Variants in CORIN observed in about 807,000 individuals in gnomAD.
The protein encoded by CORIN is atrial natriuretic peptide-converting enzyme.
CORIN carries 117 observed loss-of-function variants against 125.3 expected under a neutral mutation model. The observed-to-expected ratio is 0.93, with a 90% confidence interval of 0.80 to 1.09. CORIN has a LOEUF of 1.09. CORIN is among the 50% of genes least tolerant of loss of function. The probability of loss-of-function intolerance (pLI) is 0.00; values close to 1 mark genes in which losing one functional copy is unlikely to be tolerated. For missense variants in CORIN, 1,253 were observed against 1,306.7 expected (o/e 0.96, Z 0.63); for synonymous variants, 450 against 466.4 (o/e 0.96, Z 0.45).
intron 2 of CORIN, among the ~76,000 whole-genome samples, chr4:47,805,271 G>T (rs1427911452): frequency 2.6e-5 from 4 of 151,908 alleles, no homozygotes; most frequent in Admixed American, 2.6e-4. Context: ...TCATGATGTG[G>T]TTATTGCTTA....
chr4:47,704,190 T>C (rs1330327374), intron 5 of CORIN, among the ~76,000 whole-genome samples: 1 of 152,034 alleles, frequency 6.6e-6, no homozygotes, highest in Admixed American at 6.6e-5. Context: ...GGATTGCATA[T>C]AACAAAGCCA....
chr4:47,737,611 CCTT>C (rs1180289421), intron 5 of CORIN, among the ~76,000 whole-genome samples: 2 of 152,308 alleles, frequency 1.3e-5, no homozygotes, highest in East Asian at 1.9e-4. Context: ...TATTTCAACT[CCTT>C]CTGCCCAATT....
At chr4:47,701,420 C>T (rs895601906) in intron 5 of CORIN, among the ~76,000 whole-genome samples, 3 of 152,122 alleles carry the variant, frequency 2.0e-5, no homozygotes, top group Non-Finnish European at 4.4e-5. Flanking sequence ...AGCTTAAATT[C>T]CTAAAAATAA....
chr4:47,623,812 C>A, intron 18 of CORIN, 67 bp from the exon 19 acceptor site: 1 of 1,608,800 alleles, frequency 6.2e-7, no homozygotes, highest in East Asian at 2.2e-5. Flanking sequence ...TAGCTCTTTG[C>A]TGTCACTTAC....
At position 47,717,800 on chromosome 4, in the gene CORIN, G is replaced by C. The variant is rs193109155; in HGVS notation, c.800-24717C>G. Among the ~76,000 whole-genome samples the C allele has an allele frequency of 2.4e-4, 36 of 152,280 alleles. 2 individuals are homozygous for C. In the East Asian group the frequency reaches 4.2e-3, roughly 18 times the overall value. On this transcript the variant is annotated intron_variant, in intron 5 of 21. Coordinates refer to ENST00000273857, the MANE Select transcript of CORIN (RefSeq NM_006587.4). The stretch of plus-strand genomic sequence containing the variant: ...AAAGACCGAAAAAAAGAGAGGCACT[G>C]TAGTATATTTTATGATTGCAGGTTG...
intron 16 of CORIN, among the ~76,000 whole-genome samples, chr4:47,638,986 C>T (rs1165262917): frequency 6.6e-6 from 1 of 152,182 alleles, no homozygotes; most frequent in Non-Finnish European, 1.5e-5. Flanking sequence ...ATCCTAAGTG[C>T]AGGTGTTTTA....
At chr4:47,826,822 T>A (rs1255589410) in intron 1 of CORIN, among the ~76,000 whole-genome samples, 4 of 152,214 alleles carry the variant, frequency 2.6e-5, no homozygotes, top group Non-Finnish European at 5.9e-5. Flanking sequence ...CTGTACCCTC[T>A]AATGCCATAG....
In CORIN at chr4:47,814,570, G is replaced by A. The variant is rs113826699; in HGVS notation, c.64-7523C>T. Reference sequence around the variant, plus strand: ...ATTTGTTGAGTAACAGATTAATAATGTGGATAGTTCTCAAGCCAGGCATCT... The same window carrying A: ...ATTTGTTGAGTAACAGATTAATAATATGGATAGTTCTCAAGCCAGGCATCT... On this transcript the variant is annotated intron_variant, in intron 1 of 21. Coordinates refer to ENST00000273857, the MANE Select transcript of CORIN (RefSeq NM_006587.4). Among the ~76,000 whole-genome samples, 1,225 of 152,258 alleles carry A rather than the reference G, an allele frequency of 8.0e-3. 16 individuals carry two copies. The highest frequency in any genetic ancestry group is 0.028 in the African/African-American group (1,158 of 41,550).
At chr4:47,751,892 C>T (rs896498177) in intron 4 of CORIN, among the ~76,000 whole-genome samples, 8 of 152,184 alleles carry the variant, frequency 5.3e-5, no homozygotes, top group African/African-American at 1.9e-4. Flanking sequence ...GTTGAATAAA[C>T]TGATGCCAGG....
At chr4:47,830,175 T>C (rs1732917879) in intron 1 of CORIN, among the ~76,000 whole-genome samples, 1 of 151,820 alleles carries the variant, frequency 6.6e-6, no homozygotes, top group South Asian at 2.1e-4. Context: ...CTTAAGAGAG[T>C]GTCACATTGG....
At chr4:47,608,276 G>A (rs1286582819) in intron 19 of CORIN, among the ~76,000 whole-genome samples, 6 of 151,536 alleles carry the variant, frequency 4.0e-5, no homozygotes, top group South Asian at 2.1e-4. Context: ...AGCTGAGATC[G>A]GCCATTGCAC....
At chr4:47,818,829 T>C (rs1201085294) in intron 1 of CORIN, among the ~76,000 whole-genome samples, 1 of 138,424 alleles carries the variant, frequency 7.2e-6, no homozygotes, top group Non-Finnish European at 1.5e-5. Flanking sequence ...AATGTAATCA[T>C]ACCACTGCAC....
intron 4 of CORIN, among the ~76,000 whole-genome samples, chr4:47,751,152 C>T (rs1005688788): frequency 1.3e-5 from 2 of 152,190 alleles, no homozygotes; most frequent in Admixed American, 6.5e-5. Context: ...AAGCTGTTTT[C>T]ATTTCCACTC....
At chr4:47,789,027 G>A (rs910603125) in intron 2 of CORIN, among the ~76,000 whole-genome samples, 3 of 152,116 alleles carry the variant, frequency 2.0e-5, no homozygotes, top group Admixed American at 2.0e-4. Flanking sequence ...ATCTGGCTGG[G>A]CACAGAGACT....
At chr4:47,700,024 C>G (rs1726215738) in intron 5 of CORIN, among the ~76,000 whole-genome samples, 1 of 152,190 alleles carries the variant, frequency 6.6e-6, no homozygotes, top group African/African-American at 2.4e-5. Context: ...TATTCAGTTT[C>G]CTACTCCATT....
At chr4:47,751,033 T>C (rs1577889815) in intron 4 of CORIN, among the ~76,000 whole-genome samples, 1 of 152,208 alleles carries the variant, frequency 6.6e-6, no homozygotes, top group African/African-American at 2.4e-5. Context: ...AATCAGCAAA[T>C]TATGCAAATA....
At chr4:47,692,411 T>C (rs1216965515) in intron 6 of CORIN, among the ~76,000 whole-genome samples, 1 of 152,190 alleles carries the variant, frequency 6.6e-6, no homozygotes, top group African/African-American at 2.4e-5. Context: ...TCTGAATCTA[T>C]ATTGGACAAA....
chr4:47,715,085 A>G (rs887193469), intron 5 of CORIN, among the ~76,000 whole-genome samples: 1 of 152,268 alleles, frequency 6.6e-6, no homozygotes, highest in African/African-American at 2.4e-5. Flanking sequence ...TCTTGGCTAA[A>G]TAATAACAGT....
intron 1 of CORIN, among the ~76,000 whole-genome samples, chr4:47,833,001 G>C (rs1200493913): frequency 6.6e-6 from 1 of 152,094 alleles, no homozygotes; most frequent in Non-Finnish European, 1.5e-5. Context: ...CATGGCTCTA[G>C]AGTCACAGAA....
Sources: gnomAD v4.1 joint callset for allele counts (sites outside exome capture counted in the v4.1 genomes callset) on GRCh38, gnomAD v4.1.1 for gene constraint, MANE v1.5 for transcripts, NCBI Gene and HGNC (gene_info 2026-07-23, HGNC 2026-07-21) for gene names.